SPAG1: variants seen among roughly 807,000 people sequenced by gnomAD.
SPAG1 encodes sperm-associated antigen 1.
Under a neutral mutation model 100.5 loss-of-function variants are expected in SPAG1, and 69 were observed. The observed-to-expected ratio is 0.69, with a 90% CI of 0.57 to 0.84. The LOEUF (loss-of-function observed/expected upper bound fraction) is 0.84. Among genes scored for constraint, SPAG1 ranks in the 40% least tolerant of loss-of-function variants. SPAG1 has a pLI of 0.00. For synonymous variants in SPAG1, 336 were observed against 411.6 expected, an observed-to-expected ratio of 0.82 and a Z score of 2.22; for missense variants, 955 against 1,133.1, an observed-to-expected ratio of 0.84 and a Z score of 2.26.
chr8:100,190,931 A>G (rs1284726795), intron 8 of SPAG1, among the ~76,000 whole-genome samples: 1 of 152,064 alleles, frequency 6.6e-6, no homozygotes, highest in Admixed American at 6.6e-5. Context: ...CAGGCCCCCA[A>G]ATTGTTGGGA....
intron 2 of SPAG1, chr8:100,165,502 C>G: frequency 2.7e-6 from 1 of 365,932 alleles, no homozygotes. Context: ...AACCCAGAAC[C>G]CACGCCAACT....
Position 100,213,329 on chromosome 8 carries a change from G to A in SPAG1, c.1336G>A (p.Ala446Thr). The change falls in exon 11 of 19, where the codon GCC (alanine) becomes ACC (threonine). Residue 446 changes from alanine (A) to threonine (T), a missense_variant. Coordinates refer to ENST00000388798, the MANE Select transcript of SPAG1 (RefSeq NM_003114.5). ...CGGCGGGCAGGGCGCGGAGAACCCT[G>A]CCGGCCTGAAGAGCCAGGGCAACGA... ...PGGGQGAENP[A>T]GLKSQGNELF... 7.6e-7 allele frequency: 1 copy of A among 1,311,402 alleles called. No homozygotes were observed. The highest frequency in any genetic ancestry group is 9.7e-7 in the Non-Finnish European group (1 of 1,028,388). The allele number at this position is 1,311,402 out of a possible 1,614,324, so 81.2% of individuals were successfully genotyped here.
At chr8:100,234,845 G>A (rs1818931643) in intron 16 of SPAG1, among the ~76,000 whole-genome samples, 1 of 152,166 alleles carries the variant, frequency 6.6e-6, no homozygotes. Flanking sequence ...ACTTAATTCT[G>A]AAGGTGATGG....
chr8:100,231,308 A>G lies in SPAG1; in HGVS notation c.1988+20A>G, dbSNP rs1818758020. 2.1e-6 allele frequency: 3 copies of G among 1,432,340 alleles called. No homozygotes were observed. In the South Asian group the frequency reaches 4.1e-5, roughly 20 times the overall value. The allele number at this position is 1,432,340 out of a possible 1,614,324, so 88.7% of individuals were successfully genotyped here. A position where few individuals can be genotyped will look rare whatever the true frequency, so the allele number is the denominator to read the frequency against. On this transcript the variant is annotated intron_variant, in intron 15 of 18. Transcript: ENST00000388798. ...AAACAGGCAAGTTCTTTGTAACTTT[A>G]TATATTTCTTATGTTAATAGTTTTG...
intron 4 of SPAG1, among the ~76,000 whole-genome samples, chr8:100,182,996 G>C (rs758889729): frequency 1.2e-4 from 18 of 151,050 alleles, no homozygotes; most frequent in Non-Finnish European, 2.4e-4. Context: ...ATTTTTTTGA[G>C]ACAGTTTCTC....
chr8:100,179,641 A>C (rs1372071872), intron 4 of SPAG1, among the ~76,000 whole-genome samples: 1 of 152,198 alleles, frequency 6.6e-6, no homozygotes, highest in Non-Finnish European at 1.5e-5. Context: ...TAAAGCTGCT[A>C]TTGCTTTAAC....
At chr8:100,170,824 TA>T (rs1393571076) in intron 3 of SPAG1, among the ~76,000 whole-genome samples, 2,683 of 148,854 alleles carry the variant, frequency 0.018, 45 homozygotes, top group Admixed American at 0.029. Context: ...TTTATTTATT[TA>T]TTTATTTATT....
chr8:100,162,453 A>G (rs1362968439), intron 2 of SPAG1, 33 bp downstream of exon 2: 1 of 1,509,258 alleles, frequency 6.6e-7, no homozygotes, highest in East Asian at 2.3e-5. Flanking sequence ...ATGTTTTAGT[A>G]TGACAGTTTT....
At chr8:100,185,309 C>T (rs1236590672) in intron 7 of SPAG1, 3 of 152,214 alleles carry the variant, frequency 2.0e-5, no homozygotes, top group African/African-American at 7.2e-5. Context: ...TCTGATTTAT[C>T]CTTCAGATCT....
At chr8:100,183,340 A>C in intron 4 of SPAG1, 35 bp from the exon 5 acceptor site, 1 of 928,768 alleles carries the variant, frequency 1.1e-6, no homozygotes, top group South Asian at 1.4e-5. Flanking sequence ...TCTTATATTA[A>C]ATATGTCTCA....
chr8:100,218,119 A>G (rs766150259), intron 12 of SPAG1, among the ~76,000 whole-genome samples: 4 of 151,694 alleles, frequency 2.6e-5, no homozygotes, highest in Non-Finnish European at 5.9e-5. Context: ...TATCTTTGCT[A>G]CTCTCACAGT....
At chr8:100,200,791 GTTGT>G (rs71274964) in intron 10 of SPAG1, among the ~76,000 whole-genome samples, 49,474 of 151,654 alleles carry the variant, frequency 0.33, 8,620 homozygotes, top group East Asian at 0.51. Context: ...TTTTGATGGG[GTTGT>G]TTGTTTTTTT....
intron 1 of SPAG1, among the ~76,000 whole-genome samples, chr8:100,160,376 C>T (rs1428387886): frequency 2.0e-5 from 3 of 152,082 alleles, no homozygotes; most frequent in Non-Finnish European, 4.4e-5. Context: ...CCTGTGATCC[C>T]AGCACTTTGG....
At chr8:100,158,823 AAG>A (rs1320483246) in intron 1 of SPAG1, 1 of 152,124 alleles carries the variant, frequency 6.6e-6, no homozygotes, top group Non-Finnish European at 1.5e-5. Flanking sequence ...TACAGAAAGA[AAG>A]AAAAAAAGAG....
At position 100,239,736 on chromosome 8, in the gene SPAG1, G is replaced by A. The variant is rs75041264; in HGVS notation, c.2280+332G>A. ...CAGGGTAGACCTGGAGAATCCTGAC[G>A]GGACTGATTTTGTTACAGGGGCCCT... On this transcript the variant is annotated intron_variant, in intron 17 of 18. Coordinates refer to ENST00000388798, the MANE Select transcript of SPAG1 (RefSeq NM_003114.5). This position sits in a 1 kb window ranked among gnomAD's most constrained non-coding sequence, Gnocchi z 5.0. Among the ~76,000 whole-genome samples, 19 of 152,244 alleles carry A rather than the reference G, an allele frequency of 1.2e-4. No homozygotes were observed. Among genetic ancestry groups the A allele is most frequent in the Middle Eastern group, 3.4e-3 (1 of 294 alleles).
rs1483131564 is a variant in SPAG1, at chr8:100,194,121, T to C, written c.949T>C (p.Ser317Pro). ...GGTAATTATGTTGCAGAAAACCTTGTCAGAGGTTGAAAGAGATCTGAAAAA... is the reference window on the plus strand; with the variant it reads ...GGTAATTATGTTGCAGAAAACCTTGCCAGAGGTTGAAAGAGATCTGAAAAA... ...PDNDLAKKTL[S>P]EVERDLKNSE... The change falls in exon 10 of 19, where the codon TCA becomes CCA. Residue 317 changes from serine to proline, a missense_variant. Ser to Pro is a moderately conservative substitution (Grantham distance 74). Coordinates refer to ENST00000388798, the MANE Select transcript of SPAG1 (RefSeq NM_003114.5). 6.5e-7 allele frequency: 1 copy of C among 1,538,722 alleles called. No individual in the cohort carries two copies. The highest frequency in any genetic ancestry group is 1.2e-5 in the South Asian group (1 of 80,038).
At chr8:100,236,432 C>T (rs1358201228) in intron 16 of SPAG1, among the ~76,000 whole-genome samples, 1 of 152,164 alleles carries the variant, frequency 6.6e-6, no homozygotes, top group Non-Finnish European at 1.5e-5. Context: ...ATGTGTGCCA[C>T]CATGCTTGGC....
At chr8:100,165,675 G>T in intron 2 of SPAG1, 139 bp from the exon 3 acceptor site, 2 of 627,302 alleles carry the variant, frequency 3.2e-6, no homozygotes, top group African/African-American at 1.9e-5. Context: ...AGACTATGCG[G>T]GTTAAGGAAA....
intron 3 of SPAG1, among the ~76,000 whole-genome samples, chr8:100,170,367 T>C (rs896059787): frequency 6.6e-6 from 1 of 152,098 alleles, no homozygotes; most frequent in Non-Finnish European, 1.5e-5. Context: ...TGAAATTTTG[T>C]TTTTTTATTA....
Sources: allele counts gnomAD v4.1 joint callset (sites outside exome capture counted in the v4.1 genomes callset), GRCh38; gene constraint gnomAD v4.1.1; non-coding constraint Gnocchi (gnomAD v3.1); transcripts MANE v1.5; gene names NCBI Gene and HGNC (gene_info 2026-07-23, HGNC 2026-07-21).